PLSCR3: variants seen among roughly 807,000 people sequenced by gnomAD.
The protein encoded by PLSCR3 is PL scramblase 3.
PLSCR3 carries 17 observed loss-of-function variants against 33.7 expected under a neutral mutation model. That is an observed-to-expected ratio of 0.50 (90% CI 0.35 to 0.76). The LOEUF (loss-of-function observed/expected upper bound fraction) is 0.76. PLSCR3 is among the 30% of genes least tolerant of loss of function. The probability of loss-of-function intolerance (pLI) is 0.01; values close to 1 mark genes in which losing one functional copy is unlikely to be tolerated. For synonymous variants in PLSCR3, 166 were observed against 166.0 expected (o/e 1.00, Z 0.00); for missense variants, 360 against 394.1 (o/e 0.91, Z 0.73).
In PLSCR3 at chr17:7,390,369, C is replaced by T. The variant is rs202149802; in HGVS notation, c.*16G>A. 3.3e-3 allele frequency: 5,071 copies of T among 1,537,694 alleles called. 10 individuals carry two copies. The highest frequency in any genetic ancestry group is 3.9e-3 in the Non-Finnish European group (4,417 of 1,136,900). On this transcript the variant is annotated 3_prime_UTR_variant, in exon 8 of 8. Transcript: ENST00000619711. The stretch of plus-strand genomic sequence containing the variant: ...GTTCTGGTCGAGGTGATGGTCTCCT[C>T]ACACCATGGTGGCCTCTAACTGGTG...
rs1426835773 is a variant in PLSCR3 at position 7,393,140 on chromosome 17, C to T, written c.507+4G>A. On this transcript the variant is annotated splice_donor_region_variant and intron_variant, in intron 5 of 7. Coordinates refer to ENST00000619711, the MANE Select transcript of PLSCR3 (RefSeq NM_020360.4). ...CGCCCTCCCGGCCCCCTCCCTCCGCCCACCTCCTGGAGGCCACAGGGGCAG... is the reference window on the plus strand; with the variant it reads ...CGCCCTCCCGGCCCCCTCCCTCCGCTCACCTCCTGGAGGCCACAGGGGCAG... 88 of 1,456,852 alleles carry T rather than the reference C, an allele frequency of 6.0e-5. No homozygotes were observed. In the Admixed American group the frequency reaches 2.3e-3, roughly 38 times the overall value. The allele number at this position is 1,456,852 out of a possible 1,614,324, so 90.2% of individuals were successfully genotyped here. A position where few individuals can be genotyped will look rare whatever the true frequency, so the allele number is the denominator to read the frequency against.
rs1279752135 is a variant in PLSCR3, at chr17:7,391,975, C to G, written c.669+816G>C. Reference sequence around the variant, plus strand: ...CTGAGGTGGGCGGATCACCTGAGGTCAGGAGTTCGAGACCAGCCTGACCAA... The same window carrying G: ...CTGAGGTGGGCGGATCACCTGAGGTGAGGAGTTCGAGACCAGCCTGACCAA... On this transcript the variant is annotated intron_variant, in intron 6 of 7. Transcript: ENST00000619711. The surrounding 1 kb of genome is among the most constrained non-coding windows in gnomAD (Gnocchi z 4.1). Among the ~76,000 whole-genome samples the G allele has an allele frequency of 6.6e-6, 1 of 152,170 alleles. No individual in the cohort carries two copies. The highest frequency in any genetic ancestry group is 1.5e-5 in the Non-Finnish European group (1 of 68,038).
At chr17:7,393,112 G>GGGCC in intron 5 of PLSCR3, 32 bp downstream of exon 5, 31 of 1,256,014 alleles carry the variant, frequency 2.5e-5, no homozygotes, top group Non-Finnish European at 3.2e-5. Flanking sequence ...CCCCACCAAG[G>GGGCC]CCCGCCCTCC....
Position 7,391,309 on chromosome 17 carries a change from C to A in PLSCR3, c.670-514G>T, listed in dbSNP as rs1286486042. On this transcript the variant is annotated intron_variant, in intron 6 of 7. Coordinates refer to ENST00000619711, the MANE Select transcript of PLSCR3 (RefSeq NM_020360.4). The surrounding 1 kb of genome is among the most constrained non-coding windows in gnomAD (Gnocchi z 4.1). ...GTCTACCCCGAAGAGTACCTTTTCTCTAATCTGCAAAGTAGGGGAGGGCCT... is the reference window on the plus strand; with the variant it reads ...GTCTACCCCGAAGAGTACCTTTTCTATAATCTGCAAAGTAGGGGAGGGCCT... 1.3e-5 allele frequency among the ~76,000 whole-genome samples: 2 copies of A among 152,208 alleles called. No homozygotes were observed. The highest frequency in any genetic ancestry group is 2.4e-5 in the African/African-American group (1 of 41,450).
rs887032891 is a variant in PLSCR3 at position 7,392,712 on chromosome 17, C to G, written c.669+79G>C. On this transcript the variant is annotated intron_variant, in intron 6 of 7. Transcript: ENST00000619711. Reference sequence around the variant, plus strand: ...GGATTGATGAGCTCAGGGTCTTGACCTTAATGTTAACTATCCTGCCTCATG... The same window carrying G: ...GGATTGATGAGCTCAGGGTCTTGACGTTAATGTTAACTATCCTGCCTCATG... 2.9e-6 allele frequency: 4 copies of G among 1,383,342 alleles called. No individual in the cohort carries two copies. In the African/African-American group the frequency reaches 5.7e-5, roughly 20 times the overall value. The allele number at this position is 1,383,342 out of a possible 1,614,324, so 85.7% of individuals were successfully genotyped here.
intron 6 of PLSCR3, among the ~76,000 whole-genome samples, 154 bp from the exon 7 acceptor site, chr17:7,390,949 C>T (rs1034166945): frequency 3.3e-5 from 5 of 152,190 alleles, no homozygotes; most frequent in African/African-American, 7.2e-5. Flanking sequence ...GCTTTCCTAA[C>T]TGGTTCCCAT....
rs1301570841 is a variant in PLSCR3, at chr17:7,391,255, A to G, written c.670-460T>C. Among the ~76,000 whole-genome samples the G allele has an allele frequency of 6.6e-6, 1 of 152,218 alleles. No individual in the cohort carries two copies. The highest frequency in any genetic ancestry group is 1.5e-5 in the Non-Finnish European group (1 of 68,042). ...GCTACTGGAATTCTGGCTGTACTTC[A>G]CCAGTCAAGAAGGCTCCTAGAAGGC... is the stretch of plus-strand genomic sequence containing the variant. On this transcript the variant is annotated intron_variant, in intron 6 of 7. Coordinates refer to ENST00000619711, the MANE Select transcript of PLSCR3 (RefSeq NM_020360.4). This position sits in a 1 kb window ranked among gnomAD's most constrained non-coding sequence, Gnocchi z 4.1.
intron 6 of PLSCR3, 80 bp downstream of exon 6, chr17:7,392,711 C>T: frequency 1.5e-6 from 2 of 1,365,220 alleles, no homozygotes; most frequent in East Asian, 4.6e-5. Context: ...AGGGTCTTGA[C>T]CTTAATGTTA....
In PLSCR3 at chr17:7,394,063, T is replaced by TG. The variant is rs756551827; in HGVS notation, c.7+40dup. 7.2e-5 allele frequency: 115 copies of TG among 1,604,314 alleles called. No homozygotes were observed. Among genetic ancestry groups the TG allele is most frequent in the East Asian group, 6.7e-4 (30 of 44,628 alleles). On this transcript the variant is annotated intron_variant, in intron 2 of 7. Transcript: ENST00000619711. This position sits in a 1 kb window ranked among gnomAD's most constrained non-coding sequence, Gnocchi z 5.3. ...TGTTCAAACCCGGCTCCCAAGTCCG[T>TG]GGGGGGGATAACGGAGACCCCCAGA...
In PLSCR3 at chr17:7,393,625, A is replaced by G. The variant is rs1436876897; in HGVS notation, c.219T>C (p.Pro73=). The G allele has an allele frequency of 1.9e-6, 3 of 1,612,192 alleles. No individual in the cohort carries two copies. Among genetic ancestry groups the G allele is most frequent in the Non-Finnish European group, 2.5e-6 (3 of 1,179,870 alleles). The part of the protein sequence containing the change: ...AAPFLPLPGV[P]SGLEFLVQID... ...CCTGCACCAGGAATTCGAGGCCAGA[A>G]GGCACCCCTGGCAGTGGCAAGAAGG... Residue 73 remains proline (P), a synonymous_variant, in exon 3 of 8, where the codon CCT becomes CCC. Coordinates refer to ENST00000619711, the MANE Select transcript of PLSCR3 (RefSeq NM_020360.4).
chr17:7,393,668 G>A lies in PLSCR3; in HGVS notation c.176C>T (p.Ala59Val). ...FALFPSPGPV[A>V]LGSAAPFLPL... ...CAAGAAGGGGGCAGCAGACCCCAAG[G>A]CCACGGGGCCAGGCGAGGGGAAGAG... Residue 59 changes from alanine to valine, a missense_variant, in exon 3 of 8, where the codon GCC becomes GTC. Transcript: ENST00000619711. The A allele has an allele frequency of 6.2e-7, 1 of 1,603,102 alleles. No individual in the cohort carries two copies. The highest frequency in any genetic ancestry group is 8.5e-7 in the Non-Finnish European group (1 of 1,177,552).
chr17:7,392,260 G>C (rs1905768698), intron 6 of PLSCR3, among the ~76,000 whole-genome samples: 1 of 152,166 alleles, frequency 6.6e-6, no homozygotes. Context: ...TAGAAACCAA[G>C]GTGCTTCCCA....
In PLSCR3 at chr17:7,393,781, G is replaced by C. The variant is rs538809427; in HGVS notation, c.63C>G (p.Thr21=). The change falls in exon 3 of 8, where the codon ACC becomes ACG. Residue 21 remains threonine, a synonymous_variant. Transcript: ENST00000619711. ...GTAGCGCCGGCTCCGGGTACCCAGGGGTGACAGGGTAGGGAGGTGGGGGCG... is the reference window on the plus strand; with the variant it reads ...GTAGCGCCGGCTCCGGGTACCCAGGCGTGACAGGGTAGGGAGGTGGGGGCG... ...APSPPPPYPV[T]PGYPEPALHP... 7 of 1,508,704 alleles carry C rather than the reference G, an allele frequency of 4.6e-6. No individual in the cohort carries two copies. The African/African-American group carries it at 8.5e-5, about 18-fold the overall frequency. 93.5% of individuals were successfully genotyped at this position (1,508,704 alleles called of 1,614,324 possible). A position where few individuals can be genotyped will look rare whatever the true frequency, so the allele number is the denominator to read the frequency against.
chr17:7,392,715 A>G, intron 6 of PLSCR3, 76 bp downstream of exon 6: 1 of 1,390,630 alleles, frequency 7.2e-7, no homozygotes, highest in Non-Finnish European at 1.0e-6. Context: ...TCTTGACCTT[A>G]ATGTTAACTA....
Position 7,390,773 on chromosome 17 carries a change from C to T in PLSCR3, c.692G>A (p.Arg231His), listed in dbSNP as rs762276557. Residue 231 changes from arginine (R) to histidine (H), a missense_variant, in exon 7 of 8, where the codon CGC becomes CAC. Arg to His is a conservative substitution (Grantham distance 29). Transcript: ENST00000619711. ...CTGCTTGCTGATGCGGCCCACACTG[C>T]GGGATTCATCCCGAGTCTTCACCTG... Reference protein sequence around the residue: ...NFEVKTRDESRSVGRISKQWG... With the variant: ...NFEVKTRDESHSVGRISKQWG... 3.1e-6 allele frequency: 5 copies of T among 1,614,066 alleles called. No homozygotes were observed. The highest frequency in any genetic ancestry group is 2.5e-6 in the Non-Finnish European group (3 of 1,180,018).
rs34961966 is a variant in PLSCR3 at position 7,390,433 on chromosome 17, C to T, written c.840G>A (p.Met280Ile). 3.0e-4 allele frequency: 478 copies of T among 1,579,472 alleles called. 4 individuals carry two copies. The African/African-American group carries it at 5.8e-3, about 19-fold the overall frequency. ...LLGATFLIDY[M>I]FFEKRGGAGP... ...CAGCGCCTCCTCGCTTCTCAAAGAA[C>T]ATGTAGTCCTAAGAGGAGGCCACTG... Residue 280 changes from methionine to isoleucine, a missense_variant, in exon 8 of 8, where the codon ATG (methionine) becomes ATA (isoleucine). Transcript: ENST00000619711.
At chr17:7,393,574 C>G (rs766794094) in intron 3 of PLSCR3, 27 bp downstream of exon 3, 1 of 1,613,768 alleles carries the variant, frequency 6.2e-7, no homozygotes, top group East Asian at 2.2e-5. Context: ...CCCTCCCAGT[C>G]ATCCTCCCTC....
intron 6 of PLSCR3, 124 bp from the exon 7 acceptor site, chr17:7,390,919 C>T (rs1113978): frequency 1.9e-5 from 18 of 934,354 alleles, no homozygotes; most frequent in Non-Finnish European, 3.0e-5. Context: ...ATCTTCCCCT[C>T]TAATGGTCAC....
At chr17:7,390,930 C>A in intron 6 of PLSCR3, 135 bp from the exon 7 acceptor site, 1 of 841,598 alleles carries the variant, frequency 1.2e-6, no homozygotes, top group Non-Finnish European at 1.9e-6. Flanking sequence ...TAATGGTCAC[C>A]GAGTGATCGC....
Sources: allele counts gnomAD v4.1 joint callset (sites outside exome capture counted in the v4.1 genomes callset), GRCh38; gene constraint gnomAD v4.1.1; non-coding constraint Gnocchi (gnomAD v3.1); transcripts MANE v1.5; gene names NCBI Gene and HGNC (gene_info 2026-07-23, HGNC 2026-07-21).